FANCB: variants seen among roughly 807,000 people sequenced by gnomAD.
FANCB encodes Fanconi anemia group B protein.
In FANCB, 5 loss-of-function variants were observed where a neutral mutation model predicts 38.9. The observed-to-expected ratio is 0.13, with a 90% CI of 0.07 to 0.27. FANCB has a LOEUF of 0.27. Ranked by LOEUF, FANCB falls within the 10% of genes least tolerant of loss-of-function variation. The pLI is 1.00. For missense variants in FANCB, 573 were observed against 602.7 expected, an observed-to-expected ratio of 0.95 and a Z score of 0.52; for synonymous variants, 236 against 215.4, an observed-to-expected ratio of 1.10 and a Z score of -0.84.
the FANCB span, among the ~76,000 whole-genome samples, chrX:14,808,420 A>G: frequency 8.9e-6 from 1 of 112,279 alleles, no homozygotes; most frequent in South Asian, 3.7e-4. Flanking sequence ...TATGCAGATC[A>G]ATCAATGTGA....
the FANCB span, among the ~76,000 whole-genome samples, chrX:14,701,774 G>A: frequency 8.9e-6 from 1 of 112,525 alleles, no homozygotes; most frequent in Non-Finnish European, 1.9e-5. Context: ...TTTAGTTGAA[G>A]TTCTAGTTTT....
the FANCB span, among the ~76,000 whole-genome samples, chrX:14,799,504 G>T: frequency 8.9e-6 from 1 of 112,109 alleles, no homozygotes; most frequent in African/African-American, 3.2e-5. Flanking sequence ...GGGAAGTGAG[G>T]TGCTGCTGTA....
the FANCB span, among the ~76,000 whole-genome samples, chrX:14,808,694 G>C: frequency 4.5e-5 from 5 of 111,982 alleles, no homozygotes; most frequent in Non-Finnish European, 7.5e-5. Context: ...ATTCAACATA[G>C]TACTGGAAAT....
the FANCB span, among the ~76,000 whole-genome samples, chrX:14,694,858 A>T: frequency 2.7e-5 from 3 of 112,021 alleles, no homozygotes; most frequent in African/African-American, 9.7e-5. Flanking sequence ...AGAGATGAGA[A>T]GATGAATTGA....
At chrX:14,847,053 T>C (rs2092379900) in intron 7 of FANCB, among the ~76,000 whole-genome samples, 1 of 109,947 alleles carries the variant, frequency 9.1e-6, no homozygotes, top group Non-Finnish European at 1.9e-5. Context: ...TTGTTACAGA[T>C]GAAATAATAT....
At chrX:14,809,292 G>C in the FANCB span, among the ~76,000 whole-genome samples, 3 of 112,508 alleles carry the variant, frequency 2.7e-5, no homozygotes, top group Non-Finnish European at 5.6e-5. Context: ...TCTGAGGTAC[G>C]GGGTTCATCT....
chrX:14,742,942 T>C, the FANCB span, among the ~76,000 whole-genome samples: 2 of 113,222 alleles, frequency 1.8e-5, no homozygotes, highest in African/African-American at 6.4e-5. Context: ...TAAATTGCTT[T>C]AACATAAATT....
chrX:14,850,660 A>G lies in FANCB; in HGVS notation c.1341T>C (p.Val447=). The stretch of plus-strand genomic sequence containing the variant: ...AATTTTCTTCTTCACCACAAAGAGG[A>G]ACAAGACATTCCTTCTAAAAAAAAA... ...TSSAEEKECL[V]PLCGEEENSV... is the part of the protein sequence containing the mutation. The change falls in exon 7 of 10, where the codon GTT becomes GTC. Residue 447 remains valine, a synonymous_variant. Coordinates refer to ENST00000650831, the MANE Select transcript of FANCB (RefSeq NM_001018113.3). 8.6e-7 allele frequency: 1 copy of G among 1,162,451 alleles called. No individual in the cohort carries two copies. Among genetic ancestry groups the G allele is most frequent in the Admixed American group, 2.2e-5 (1 of 45,504 alleles).
chrX:14,775,757 G>A, the FANCB span, among the ~76,000 whole-genome samples: 1 of 112,124 alleles, frequency 8.9e-6, no homozygotes, highest in Admixed American at 9.4e-5. Flanking sequence ...GAGGATTGGG[G>A]CTATTTTGAG....
chrX:14,866,110 C>CA (rs2092468790), intron 2 of FANCB, among the ~76,000 whole-genome samples: 1 of 110,946 alleles, frequency 9.0e-6, no homozygotes, highest in Non-Finnish European at 1.9e-5. Context: ...GGCTCTAAGA[C>CA]AAAAAAGAAA....
chrX:14,802,266 CATGAA>C, the FANCB span, among the ~76,000 whole-genome samples: 1 of 110,987 alleles, frequency 9.0e-6, no homozygotes, highest in Non-Finnish European at 1.9e-5. Context: ...ATGCAGGGTA[CATGAA>C]ATGAATGCCA....
chrX:14,803,622 G>A, the FANCB span, among the ~76,000 whole-genome samples: 1 of 111,966 alleles, frequency 8.9e-6, no homozygotes, highest in Admixed American at 9.5e-5. Flanking sequence ...CCTAATAACA[G>A]CTCCTTGGGT....
At chrX:14,741,767 G>GA in the FANCB span, among the ~76,000 whole-genome samples, 7 of 111,887 alleles carry the variant, frequency 6.3e-5, no homozygotes, top group Non-Finnish European at 9.4e-5. Flanking sequence ...TTTAATTGAT[G>GA]AAAAAACAGT....
chrX:14,790,263 A>G, the FANCB span, among the ~76,000 whole-genome samples: 1 of 112,155 alleles, frequency 8.9e-6, no homozygotes, highest in African/African-American at 3.2e-5. Context: ...ATTACCTTGA[A>G]AGCTTGTAAA....
chrX:14,721,112 C>A, the FANCB span, among the ~76,000 whole-genome samples: 1 of 77,447 alleles, frequency 1.3e-5, no homozygotes, highest in Admixed American at 1.3e-4. Context: ...CAGAGTGTGA[C>A]CCTGTCTCAA....
the FANCB span, among the ~76,000 whole-genome samples, chrX:14,767,542 T>C: frequency 9.0e-6 from 1 of 111,572 alleles, no homozygotes; most frequent in Admixed American, 9.5e-5. Context: ...GTTTTTTTTT[T>C]CTTGCAAATT....
chrX:14,797,035 A>C, the FANCB span, among the ~76,000 whole-genome samples: 1 of 111,877 alleles, frequency 8.9e-6, no homozygotes, highest in Admixed American at 9.5e-5. Flanking sequence ...AGGCCCACCC[A>C]CATTAGGAGG....
chrX:14,703,683 A>G, the FANCB span, among the ~76,000 whole-genome samples: 1 of 111,538 alleles, frequency 9.0e-6, no homozygotes, highest in Non-Finnish European at 1.9e-5. Context: ...CTCCATGCAC[A>G]CTCAGGACAG....
At chrX:14,775,171 T>TTTG in the FANCB span, among the ~76,000 whole-genome samples, 1 of 95,414 alleles carries the variant, frequency 1.0e-5, no homozygotes, top group Non-Finnish European at 2.1e-5. Flanking sequence ...TTTTTTTTTT[T>TTTG]TTTTTTTTTT....
Sources: allele counts gnomAD v4.1 joint callset (sites outside exome capture counted in the v4.1 genomes callset), GRCh38; gene constraint gnomAD v4.1.1; transcripts MANE v1.5; gene names NCBI Gene and HGNC (gene_info 2026-07-23, HGNC 2026-07-21).